ATRX: variants seen among roughly 807,000 people sequenced by gnomAD.
ATRX encodes ATRX chromatin remodeler, also known as chromatin remodeler ATRX.
ATRX carries 12 observed loss-of-function variants against 172.6 expected under a neutral mutation model. The ratio of observed to expected loss-of-function variants is 0.07; its 90% CI spans 0.04 to 0.11. The LOEUF (loss-of-function observed/expected upper bound fraction) is 0.11. ATRX is among the 10% of genes least tolerant of loss of function. The pLI is 1.00. For synonymous variants in ATRX, 674 were observed against 594.7 expected (o/e 1.13, Z -1.94); for missense variants, 1,368 against 1,767.4 (o/e 0.77, Z 4.05).
intron 15 of ATRX, among the ~76,000 whole-genome samples, chrX:77,646,925 TAA>T (rs1229860572): frequency 1.1e-4 from 10 of 94,934 alleles, no homozygotes; most frequent in South Asian, 4.8e-4. Flanking sequence ...ACTGTGTCTT[TAA>T]AAAAAAAAAA....
At chrX:77,525,946 C>T (rs2063367315) in intron 30 of ATRX, among the ~76,000 whole-genome samples, 1 of 111,968 alleles carries the variant, frequency 8.9e-6, no homozygotes, top group East Asian at 2.8e-4. Context: ...TGCACATACA[C>T]ATATACACAA....
At chrX:77,735,323 G>A (rs1032649065) in intron 1 of ATRX, among the ~76,000 whole-genome samples, 8 of 111,204 alleles carry the variant, frequency 7.2e-5, no homozygotes, top group Non-Finnish European at 1.5e-4. Context: ...TTAGCCTGGC[G>A]CAATGACTCA....
rs963331082 is a variant in ATRX at position 77,654,094 on chromosome X, T to C, written c.4317+4A>G. ...TTCAAGCATGTGGTAAATGTCATTA[T>C]TACCTTGTTTTCACTGGATGAATCT... On this transcript the variant is annotated splice_donor_region_variant and intron_variant, in intron 14 of 34. Coordinates refer to ENST00000373344, the MANE Select transcript of ATRX (RefSeq NM_000489.6). 4 of 1,198,278 alleles carry C rather than the reference T, an allele frequency of 3.3e-6. No homozygotes were observed. The highest frequency in any genetic ancestry group is 4.5e-6 in the Non-Finnish European group (4 of 883,393).
At chrX:77,690,622 A>G (rs781980082) in intron 6 of ATRX, among the ~76,000 whole-genome samples, 1 of 111,437 alleles carries the variant, frequency 9.0e-6, no homozygotes, top group East Asian at 2.8e-4. Context: ...ATGTATTATA[A>G]TCACATTATT....
chrX:77,567,540 A>C lies in ATRX; in HGVS notation c.6326+6710T>G, dbSNP rs782126292. ...GGCACAGCAATACTAAATGTGCATA[A>C]TAAACAACAGAGCTGAAAATATCAG... On this transcript the variant is annotated intron_variant, in intron 28 of 34. Transcript: ENST00000373344. Among the ~76,000 whole-genome samples, 3 of 111,419 alleles carry C rather than the reference A, an allele frequency of 2.7e-5. No individual in the cohort carries two copies. The East Asian group carries it at 8.4e-4, about 31-fold the overall frequency.
intron 30 of ATRX, among the ~76,000 whole-genome samples, chrX:77,527,210 C>A (rs782401119): frequency 8.9e-6 from 1 of 111,962 alleles, no homozygotes; most frequent in South Asian, 3.8e-4. Context: ...GGACAAAGGG[C>A]AAGATGGCTG....
At position 77,522,268 on chromosome X, in the gene ATRX, G is replaced by A; in HGVS notation, c.6970C>T (p.Leu2324=). 1 of 1,210,794 alleles carries A rather than the reference G, an allele frequency of 8.3e-7. No individual in the cohort carries two copies. The highest frequency in any genetic ancestry group is 1.1e-6 in the Non-Finnish European group (1 of 894,773). Residue 2324 remains leucine (L), a synonymous_variant, in exon 32 of 35, where the codon CTG becomes TTG. Coordinates refer to ENST00000373344, the MANE Select transcript of ATRX (RefSeq NM_000489.6). ...TTTTGTACTTCACAACTCACCTCCA[G>A]CTGTTGATTACTCATTGCTGACAGG... ...GALSAMSNQQ[L]EDLINQGREK... is the part of the protein sequence containing the mutation.
intron 27 of ATRX, among the ~76,000 whole-genome samples, chrX:77,578,952 A>C (rs1379192927): frequency 2.7e-5 from 3 of 111,217 alleles, no homozygotes; most frequent in African/African-American, 9.8e-5. Context: ...CATTCACCAA[A>C]AGCTGACTAA....
At position 77,681,741 on chromosome X, in the gene ATRX, G is replaced by A. The variant is rs2148571334; in HGVS notation, c.3515C>T (p.Thr1172Ile). 8.3e-7 allele frequency: 1 copy of A among 1,203,452 alleles called. No individual in the cohort carries two copies. Among genetic ancestry groups the A allele is most frequent in the Non-Finnish European group, 1.1e-6 (1 of 893,346 alleles). Residue 1172 changes from threonine (T) to isoleucine (I), a missense_variant, in exon 9 of 35, where the codon ACT becomes ATT. Thr to Ile is a moderately conservative substitution (Grantham distance 89). Coordinates refer to ENST00000373344, the MANE Select transcript of ATRX (RefSeq NM_000489.6). ...SEDNKKKKQR[T>I]SSKKKAVIVK... ...AATGACTGCCTTCTTTTTAGATGAAGTTCTTTGCTTCTTCTTTTTATTATC... is the reference window on the plus strand; with the variant it reads ...AATGACTGCCTTCTTTTTAGATGAAATTCTTTGCTTCTTCTTTTTATTATC...
intron 34 of ATRX, 69 bp from the exon 35 acceptor site, chrX:77,508,698 T>C: frequency 8.9e-7 from 1 of 1,126,397 alleles, no homozygotes; most frequent in Non-Finnish European, 1.2e-6. Flanking sequence ...AGTTTTGACT[T>C]AAAATCAATT....
chrX:77,646,013 A>G (rs2068892790), intron 15 of ATRX, among the ~76,000 whole-genome samples: 1 of 112,193 alleles, frequency 8.9e-6, no homozygotes, highest in African/African-American at 3.2e-5. Flanking sequence ...CAAAAAATTA[A>G]CCAAACACAA....
At chrX:77,708,307 A>G (rs2072939112) in intron 2 of ATRX, among the ~76,000 whole-genome samples, 1 of 112,544 alleles carries the variant, frequency 8.9e-6, no homozygotes, top group African/African-American at 3.2e-5. Flanking sequence ...CATTACGCTA[A>G]ATGAAAGAAA....
chrX:77,638,625 A>G (rs782402707), intron 15 of ATRX, among the ~76,000 whole-genome samples: 3 of 113,011 alleles, frequency 2.7e-5, no homozygotes, highest in Non-Finnish European at 3.7e-5. Flanking sequence ...ATGTCTCTTT[A>G]AAAGGACACT....
rs1344995245 is a variant in ATRX at position 77,720,309 on chromosome X, A to C, written c.21-3066T>G. 3.6e-5 allele frequency among the ~76,000 whole-genome samples: 4 copies of C among 111,968 alleles called. No homozygotes were observed. In the Admixed American group the frequency reaches 3.8e-4, roughly 11 times the overall value. ...GCAAACAACTTCAAAAGCTAGGAGA[A>C]GACAAGAAATAACTAAGATCAGAGA... On this transcript the variant is annotated intron_variant, in intron 1 of 34. Coordinates refer to ENST00000373344, the MANE Select transcript of ATRX (RefSeq NM_000489.6).
At chrX:77,733,634 T>A (rs1209928538) in intron 1 of ATRX, among the ~76,000 whole-genome samples, 1 of 95,025 alleles carries the variant, frequency 1.1e-5, no homozygotes, top group East Asian at 3.2e-4. Context: ...TTTGGAAGGC[T>A]AAAGCAGACG....
intron 1 of ATRX, among the ~76,000 whole-genome samples, chrX:77,727,542 G>T (rs2074101403): frequency 9.0e-6 from 1 of 111,041 alleles, no homozygotes; most frequent in South Asian, 3.8e-4. Flanking sequence ...GGACATGGAT[G>T]AAGCTGGAAA....
intron 26 of ATRX, among the ~76,000 whole-genome samples, chrX:77,591,753 T>C (rs1380392839): frequency 5.3e-5 from 6 of 112,353 alleles, no homozygotes; most frequent in African/African-American, 1.9e-4. Context: ...AAAAACATAA[T>C]TGAATCAATT....
intron 15 of ATRX, among the ~76,000 whole-genome samples, chrX:77,636,896 AAAG>A (rs1241537394): frequency 1.7e-4 from 16 of 95,348 alleles, no homozygotes; most frequent in East Asian, 1.0e-3. Flanking sequence ...GAAGAAGAAG[AAAG>A]AAGAAGAAGA....
rs2147926738 is a variant in ATRX at position 77,554,683 on chromosome X, TTA to T, written c.6699+2766_6699+2767del. Among the ~76,000 whole-genome samples the T allele has an allele frequency of 1.8e-5, 2 of 111,869 alleles. 1 individual carries two copies. The highest frequency in any genetic ancestry group is 1.9e-4 in the Admixed American group (2 of 10,505). ...TATCCAATTAAATACTAACCATCTT[TTA>T]TAGGCCAACCAAGTCTGATTTTTCT... On this transcript the variant is annotated intron_variant, in intron 30 of 34. Transcript: ENST00000373344.
Sources: allele counts gnomAD v4.1 joint callset (sites outside exome capture counted in the v4.1 genomes callset), GRCh38; gene constraint gnomAD v4.1.1; transcripts MANE v1.5; gene names NCBI Gene and HGNC (gene_info 2026-07-23, HGNC 2026-07-21).